The following SAMMSON variants were observed in gnomAD, a reference collection of about 807,000 sequenced individuals.
SAMMSON encodes the protein survival associated mitochondrial melanoma specific oncogenic non-coding RNA.
chr3:70,248,630 C>A (rs984349534), intron 4 of SAMMSON, among the ~76,000 whole-genome samples: 2 of 152,022 alleles, frequency 1.3e-5, no homozygotes, highest in African/African-American at 2.4e-5. Context: ...AATATTTAGG[C>A]TTTTACAATC....
chr3:70,075,897 T>TTA (rs2067246898), intron 4 of SAMMSON, among the ~76,000 whole-genome samples: 1 of 150,844 alleles, frequency 6.6e-6, no homozygotes, highest in Non-Finnish European at 1.5e-5. Context: ...TTTTTTTTTT[T>TTA]AATATTCATT....
chr3:70,200,628 A>G (rs1187190865), intron 4 of SAMMSON, among the ~76,000 whole-genome samples: 2 of 152,144 alleles, frequency 1.3e-5, no homozygotes, highest in Non-Finnish European at 2.9e-5. Flanking sequence ...TCTTCATAGC[A>G]CTGACCATAC....
In SAMMSON at chr3:70,432,991, A is replaced by C. The variant is rs185760095; in HGVS notation, n.234-29569A>C. Among the ~76,000 whole-genome samples the C allele has an allele frequency of 2.0e-3, 305 of 152,108 alleles. 1 individual carries two copies. The highest frequency in any genetic ancestry group is 7.1e-3 in the African/African-American group (296 of 41,544). ...TTCCCCTATGTCTTTTAATGACTTG[A>C]TAGCTTATTTCCTTTTATTACTGAA... On this transcript the variant is annotated intron_variant and non_coding_transcript_variant, in intron 2 of 3. Transcript: ENST00000641053.
chr3:70,317,939 G>T (rs933816205), intron 7 of SAMMSON, among the ~76,000 whole-genome samples: 75 of 151,262 alleles, frequency 5.0e-4, no homozygotes, highest in African/African-American at 1.8e-3. Context: ...TTATTGACAG[G>T]TTTTTTTTGT....
At chr3:70,118,356 T>C (rs2067419895) in intron 4 of SAMMSON, among the ~76,000 whole-genome samples, 1 of 152,224 alleles carries the variant, frequency 6.6e-6, no homozygotes, top group Non-Finnish European at 1.5e-5. Context: ...ATTGTCTTTA[T>C]GCCAGCAAGT....
chr3:70,433,845 T>C (rs1234524731), intron 2 of SAMMSON, among the ~76,000 whole-genome samples: 7 of 152,184 alleles, frequency 4.6e-5, no homozygotes, highest in Non-Finnish European at 7.4e-5. Flanking sequence ...GTCTAGATTC[T>C]TGGGATTTTT....
At chr3:70,354,140 A>C (rs943373760) in intron 7 of SAMMSON, 1 of 152,178 alleles carries the variant, frequency 6.6e-6, no homozygotes, top group Non-Finnish European at 1.5e-5. Context: ...TTAATGTATC[A>C]ATGTAAATAT....
exon 10 of SAMMSON, chr3:70,389,822 G>A (rs1701029962): frequency 1.3e-5 from 2 of 152,144 alleles, no homozygotes; most frequent in Admixed American, 6.6e-5. Flanking sequence ...TGTCATTTGC[G>A]ATTTGGTAGA....
chr3:70,430,456 G>A (rs1701404681), intron 2 of SAMMSON, among the ~76,000 whole-genome samples: 1 of 152,044 alleles, frequency 6.6e-6, no homozygotes, highest in Non-Finnish European at 1.5e-5. Context: ...TGTGACTTGA[G>A]ATCAATCTAG....
intron 2 of SAMMSON, among the ~76,000 whole-genome samples, chr3:70,415,682 C>G (rs1356972637): frequency 6.6e-6 from 1 of 152,104 alleles, no homozygotes; most frequent in African/African-American, 2.4e-5. Context: ...TTCAAATTTT[C>G]TTTAGCCTTG....
intron 4 of SAMMSON, among the ~76,000 whole-genome samples, chr3:70,137,081 C>T (rs1401502832): frequency 1.3e-5 from 2 of 152,040 alleles, no homozygotes; most frequent in East Asian, 3.9e-4. Flanking sequence ...TTTTTGTCTC[C>T]CATCTTACGT....
chr3:70,380,942 A>G (rs1271847268), intron 9 of SAMMSON, among the ~76,000 whole-genome samples: 2 of 152,100 alleles, frequency 1.3e-5, no homozygotes, highest in Non-Finnish European at 2.9e-5. Context: ...CCAGTCTATC[A>G]TTGATGGACA....
chr3:70,347,074 T>G (rs558703218), intron 7 of SAMMSON, among the ~76,000 whole-genome samples: 1 of 152,316 alleles, frequency 6.6e-6, no homozygotes, highest in South Asian at 2.1e-4. Flanking sequence ...TTAGGTGGAT[T>G]GCAACATGCT....
At chr3:70,182,143 A>G (rs1018746627) in intron 4 of SAMMSON, among the ~76,000 whole-genome samples, 1 of 151,998 alleles carries the variant, frequency 6.6e-6, no homozygotes, top group Non-Finnish European at 1.5e-5. Flanking sequence ...CAGGTGTCTA[A>G]TGGTGCTAAG....
intron 6 of SAMMSON, among the ~76,000 whole-genome samples, chr3:70,258,569 C>T (rs1001613016): frequency 1.3e-5 from 2 of 152,064 alleles, no homozygotes; most frequent in African/African-American, 4.8e-5. Flanking sequence ...GAATTTCTAT[C>T]CATTGTAAAC....
At chr3:70,030,025 A>T (rs1043039565) in intron 3 of SAMMSON, among the ~76,000 whole-genome samples, 6 of 152,194 alleles carry the variant, frequency 3.9e-5, no homozygotes, top group African/African-American at 1.4e-4. Flanking sequence ...AAATGAATTT[A>T]ATCTTGATTC....
intron 4 of SAMMSON, among the ~76,000 whole-genome samples, chr3:70,123,637 C>T (rs978136992): frequency 6.6e-6 from 1 of 152,196 alleles, no homozygotes; most frequent in African/African-American, 2.4e-5. Flanking sequence ...TGGCGTTCAG[C>T]CATGCTTGGA....
chr3:70,212,546 T>G (rs984499721), intron 4 of SAMMSON, among the ~76,000 whole-genome samples: 1 of 152,158 alleles, frequency 6.6e-6, no homozygotes, highest in African/African-American at 2.4e-5. Context: ...GTCTGCTTTT[T>G]CATTTCCATT....
chr3:70,232,409 T>C lies in SAMMSON; in HGVS notation n.508-16698T>C, dbSNP rs531189385. On this transcript the variant is annotated intron_variant and non_coding_transcript_variant, in intron 4 of 9. Coordinates refer to ENST00000642114, the Ensembl canonical transcript of SAMMSON. The stretch of plus-strand genomic sequence containing the variant: ...GACACAATGATGATGTTCCTATTTT[T>C]TTTTTTTTCTTGCGATGGAGTCTCG... 3.0e-3 allele frequency among the ~76,000 whole-genome samples: 458 copies of C among 152,034 alleles called. 1 individual carries two copies. Among genetic ancestry groups the C allele is most frequent in the African/African-American group, 0.011 (444 of 41,488 alleles).
Sources: gnomAD v4.1 joint callset for allele counts (sites outside exome capture counted in the v4.1 genomes callset) on GRCh38, gnomAD v4.1.1 for gene constraint, MANE v1.5 for transcripts, NCBI Gene and HGNC (gene_info 2026-07-23, HGNC 2026-07-21) for gene names.